The following MMRN1 variants were observed in gnomAD, a reference collection of about 807,000 sequenced individuals.
MMRN1 encodes multimerin-1.
A neutral mutation model predicts 100.7 loss-of-function variants in MMRN1; 94 were observed. The ratio of observed to expected loss-of-function variants is 0.93; its 90% CI spans 0.79 to 1.11. The LOEUF is 1.11. MMRN1 is among the 50% of genes least tolerant of loss of function. The probability of loss-of-function intolerance (pLI) is 0.00; values close to 1 mark genes in which losing one functional copy is unlikely to be tolerated. For synonymous variants in MMRN1, 575 were observed against 505.0 expected (o/e 1.14, Z -1.86); for missense variants, 1,606 against 1,439.1 (o/e 1.12, Z -1.88).
chr4:89,909,568 G>A (rs1404446173), intron 2 of MMRN1, among the ~76,000 whole-genome samples, 173 bp downstream of exon 2: 1 of 151,432 alleles, frequency 6.6e-6, no homozygotes, highest in Non-Finnish European at 1.5e-5. Flanking sequence ...TGCCTCATAT[G>A]GTCATTTTTA....
At chr4:89,940,923 C>T (rs1722802428) in intron 6 of MMRN1, among the ~76,000 whole-genome samples, 2 of 151,786 alleles carry the variant, frequency 1.3e-5, no homozygotes, top group Admixed American at 6.6e-5. Context: ...TTTTAAACTC[C>T]GCATATGCTT....
intron 3 of MMRN1, 89 bp downstream of exon 3, chr4:89,912,139 G>T: frequency 1.1e-6 from 1 of 928,800 alleles, no homozygotes; most frequent in African/African-American, 1.7e-5. Context: ...TTTGAACCAA[G>T]GTAAATTAAC....
At position 89,936,333 on chromosome 4, in the gene MMRN1, G is replaced by A. The variant is rs1229399679; in HGVS notation, c.2653G>A (p.Val885Ile). 4 of 1,612,716 alleles carry A rather than the reference G, an allele frequency of 2.5e-6. No individual in the cohort carries two copies. The highest frequency in any genetic ancestry group is 1.3e-5 in the African/African-American group (1 of 74,880). Residue 885 changes from valine to isoleucine, a missense_variant, in exon 6 of 8, where the codon GTA (valine) becomes ATA (isoleucine). By Grantham distance (29) the Val-to-Ile change is conservative (BLOSUM62 3). Transcript: ENST00000264790. ...TTATATTTCAGTTAAAAAAGGCAGTGTAGTTACAAATGAGAGAGATCAGGC... is the reference window on the plus strand; with the variant it reads ...TTATATTTCAGTTAAAAAAGGCAGTATAGTTACAAATGAGAGAGATCAGGC... ...PYYISVKKGSVVTNERDQALQ... is the reference protein window; with the variant it reads ...PYYISVKKGSIVTNERDQALQ...
In MMRN1 at chr4:89,953,021, A is replaced by G. The variant is rs773840669; in HGVS notation, c.3290A>G (p.Tyr1097Cys). ...GATTTTTCCAAAGGATCTTACAGATATGCACCCATGGTGGCATTTTTTGCA... is the reference window on the plus strand; with the variant it reads ...GATTTTTCCAAAGGATCTTACAGATGTGCACCCATGGTGGCATTTTTTGCA... ...APDFSKGSYR[Y>C]APMVAFFASH... is the part of the protein sequence containing the mutation. The change falls in exon 8 of 8, where the codon TAT becomes TGT. Residue 1097 changes from tyrosine (Y) to cysteine (C), a missense_variant. Tyr to Cys is a radical substitution (Grantham distance 194). Transcript: ENST00000264790. The G allele has an allele frequency of 6.2e-7, 1 of 1,608,344 alleles. No homozygotes were observed. Among genetic ancestry groups the G allele is most frequent in the East Asian group, 2.2e-5 (1 of 44,794 alleles).
At position 89,952,996 on chromosome 4, in the gene MMRN1, G is replaced by C; in HGVS notation, c.3266-1G>C. ...ACTCTTGCCATTTTTTCCTCTAACA[G>C]ATTTTTCCAAAGGATCTTACAGATA... On this transcript the variant is annotated splice_acceptor_variant, in intron 7 of 7. Coordinates refer to ENST00000264790, the MANE Select transcript of MMRN1 (RefSeq NM_007351.3). LOFTEE classifies it high-confidence loss of function. 1 of 1,553,642 alleles carries C rather than the reference G, an allele frequency of 6.4e-7. No homozygotes were observed. The highest frequency in any genetic ancestry group is 8.7e-7 in the Non-Finnish European group (1 of 1,150,700).
intron 6 of MMRN1, among the ~76,000 whole-genome samples, chr4:89,950,655 TAC>T (rs1319675514): frequency 1.3e-5 from 2 of 152,094 alleles, no homozygotes; most frequent in Non-Finnish European, 2.9e-5. Context: ...TGCCTACTGA[TAC>T]ATTCTCCGTT....
In MMRN1 at chr4:89,936,171, A is replaced by G. The variant is rs1360767533; in HGVS notation, c.2491A>G (p.Thr831Ala). 1 of 1,611,924 alleles carries G rather than the reference A, an allele frequency of 6.2e-7. No homozygotes were observed. The highest frequency in any genetic ancestry group is 8.5e-7 in the Non-Finnish European group (1 of 1,179,390). The change falls in exon 6 of 8, where the codon ACT becomes GCT. Residue 831 changes from threonine (T) to alanine (A), a missense_variant. By Grantham distance (58) the Thr-to-Ala change is moderately conservative. Transcript: ENST00000264790. The stretch of plus-strand genomic sequence containing the variant: ...GATGTATCAAATGTTCAATGAAACC[A>G]CTTCCCAAGTGAGAAAATACCAGCA... ...QKMYQMFNET[T>A]SQVRKYQQNM... is the part of the protein sequence containing the mutation.
Position 89,953,636 on chromosome 4 carries a change from G to A in MMRN1, c.*218G>A. 2.6e-6 allele frequency: 1 copy of A among 389,314 alleles called. No individual in the cohort carries two copies. Among genetic ancestry groups the A allele is most frequent in the Admixed American group, 4.2e-5 (1 of 23,690 alleles). The allele number at this position is 389,314 out of a possible 1,614,324, so 24.1% of individuals were successfully genotyped here. ...GTTCTTGATCCTAAAGAAATTTAGT[G>A]GCACAGAAAACAAAGTGAATTTGTT... On this transcript the variant is annotated 3_prime_UTR_variant, in exon 8 of 8. Coordinates refer to ENST00000264790, the MANE Select transcript of MMRN1 (RefSeq NM_007351.3).
At chr4:89,944,908 G>A (rs1722940958) in intron 6 of MMRN1, among the ~76,000 whole-genome samples, 1 of 152,108 alleles carries the variant, frequency 6.6e-6, no homozygotes, top group Non-Finnish European at 1.5e-5. Context: ...TTGATAGATA[G>A]CCTATGAGTT....
intron 1 of MMRN1, among the ~76,000 whole-genome samples, chr4:89,881,732 A>G (rs1720820482): frequency 6.6e-6 from 1 of 151,958 alleles, no homozygotes; most frequent in Non-Finnish European, 1.5e-5. Context: ...TAAGTGCTGT[A>G]CACCTGCTTC....
chr4:89,887,301 T>C (rs1038267795), intron 1 of MMRN1, among the ~76,000 whole-genome samples: 14 of 152,052 alleles, frequency 9.2e-5, no homozygotes, highest in Non-Finnish European at 1.9e-4. Context: ...AAAAAAATCC[T>C]AAAATTTAAA....
At chr4:89,925,213 T>C (rs1031240005) in intron 4 of MMRN1, among the ~76,000 whole-genome samples, 3 of 150,966 alleles carry the variant, frequency 2.0e-5, no homozygotes, top group Non-Finnish European at 4.4e-5. Context: ...CATGCATCAC[T>C]ACAGCCTCCA....
At chr4:89,938,468 T>G (rs767819312) in intron 6 of MMRN1, among the ~76,000 whole-genome samples, 26 of 105,562 alleles carry the variant, frequency 2.5e-4, no homozygotes, top group Middle Eastern at 4.3e-3. Flanking sequence ...GCTATGTCAT[T>G]TTTTAAACAT....
rs1722610448 is a variant in MMRN1 at position 89,935,839 on chromosome 4, A to C, written c.2159A>C (p.Tyr720Ser). 6.2e-7 allele frequency: 1 copy of C among 1,613,026 alleles called. No homozygotes were observed. Among genetic ancestry groups the C allele is most frequent in the Non-Finnish European group, 8.5e-7 (1 of 1,179,550 alleles). ...DDALERRINEYALEMEDGLNK... is the reference protein window; with the variant it reads ...DDALERRINESALEMEDGLNK... ...GCCTTAGAAAGACGTATCAATGAAT[A>C]TGCCTTAGAAATGGAAGATGGCCTC... The change falls in exon 6 of 8, where the codon TAT becomes TCT. Residue 720 changes from tyrosine to serine, a missense_variant. Coordinates refer to ENST00000264790, the MANE Select transcript of MMRN1 (RefSeq NM_007351.3).
intron 6 of MMRN1, among the ~76,000 whole-genome samples, chr4:89,939,562 A>G (rs1181844202): frequency 2.0e-5 from 3 of 152,088 alleles, no homozygotes; most frequent in Non-Finnish European, 4.4e-5. Context: ...AGATGAGTAA[A>G]CTGACCCTCG....
chr4:89,887,370 G>A (rs771882661), intron 1 of MMRN1, among the ~76,000 whole-genome samples: 9 of 152,034 alleles, frequency 5.9e-5, no homozygotes, highest in Non-Finnish European at 1.0e-4. Flanking sequence ...AACAAAGTTG[G>A]AGGAATCATA....
At chr4:89,903,897 G>GAAAAAA (rs71596503) in intron 1 of MMRN1, among the ~76,000 whole-genome samples, 3 of 127,186 alleles carry the variant, frequency 2.4e-5, no homozygotes, top group African/African-American at 8.9e-5. Flanking sequence ...TTCAGGATTA[G>GAAAAAA]AAAAAAAAAA....
chr4:89,897,689 G>A (rs977379142), intron 1 of MMRN1, among the ~76,000 whole-genome samples: 11 of 152,056 alleles, frequency 7.2e-5, no homozygotes, highest in Non-Finnish European at 1.6e-4. Flanking sequence ...GTTATCCAAG[G>A]TCCTTGCTTT....
intron 3 of MMRN1, among the ~76,000 whole-genome samples, chr4:89,915,001 G>A (rs1721867701): frequency 6.6e-6 from 1 of 151,536 alleles, no homozygotes; most frequent in African/African-American, 2.4e-5. Context: ...TTGTACTGCA[G>A]ATATTATGAA....
Sources: gnomAD v4.1 joint callset for allele counts (sites outside exome capture counted in the v4.1 genomes callset) on GRCh38, gnomAD v4.1.1 for gene constraint, MANE v1.5 for transcripts, NCBI Gene and HGNC (gene_info 2026-07-23, HGNC 2026-07-21) for gene names.